HSD17B13: variants seen among roughly 807,000 people sequenced by gnomAD.
HSD17B13 encodes the protein 17-beta-hydroxysteroid dehydrogenase 13.
In HSD17B13, 26 loss-of-function variants were observed where a neutral mutation model predicts 31.1. The ratio of observed to expected loss-of-function variants is 0.84; its 90% confidence interval spans 0.61 to 1.16. The LOEUF (loss-of-function observed/expected upper bound fraction) is 1.16, where lower values mean the gene tolerates loss of function less well. Ranked by LOEUF, HSD17B13 falls within the 50% of genes most tolerant of loss-of-function variation. HSD17B13 has a pLI of 0.00. For missense variants in HSD17B13, 374 were observed against 366.5 expected (o/e 1.02, Z -0.17); for synonymous variants, 141 against 133.7 (o/e 1.05, Z -0.38).
chr4:87,307,561 G>A (rs1416391288), intron 6 of HSD17B13, among the ~76,000 whole-genome samples: 1 of 152,082 alleles, frequency 6.6e-6, no homozygotes. Context: ...TGCCCAGGCT[G>A]GAGTGCAGTG....
At chr4:87,314,233 T>G (rs1434884111) in intron 4 of HSD17B13, among the ~76,000 whole-genome samples, 1 of 151,996 alleles carries the variant, frequency 6.6e-6, no homozygotes, top group Non-Finnish European at 1.5e-5. Flanking sequence ...CCATCCTACA[T>G]GTAAGGTTTT....
rs757405570 is a variant in HSD17B13, at chr4:87,322,615, G to A, written c.210+17C>T. On this transcript the variant is annotated intron_variant, in intron 1 of 6. Transcript: ENST00000328546. ...CTTACTCTGTGACTTTAAAAAGTTG[G>A]AAGATGTATACATTACCTTATTAAT... 1.3e-6 allele frequency: 2 copies of A among 1,525,780 alleles called. No individual in the cohort carries two copies. Among genetic ancestry groups the A allele is most frequent in the Non-Finnish European group, 1.8e-6 (2 of 1,099,640 alleles). 94.5% of individuals were successfully genotyped at this position (1,525,780 alleles called of 1,614,324 possible).
chr4:87,310,463 T>C, intron 5 of HSD17B13, 104 bp from the exon 6 acceptor site: 1 of 1,197,618 alleles, frequency 8.3e-7, no homozygotes, highest in Non-Finnish European at 1.1e-6. Flanking sequence ...AAATTTAGAA[T>C]GAAGATTTAA....
intron 3 of HSD17B13, among the ~76,000 whole-genome samples, chr4:87,316,425 T>TG (rs1734650577): frequency 2.0e-5 from 3 of 152,048 alleles, no homozygotes; most frequent in Admixed American, 6.6e-5. Flanking sequence ...GACACATCTC[T>TG]TTTTTTTCTT....
At chr4:87,322,533 AAAAC>A in intron 1 of HSD17B13, 95 bp downstream of exon 1, 1 of 978,054 alleles carries the variant, frequency 1.0e-6, no homozygotes, top group Non-Finnish European at 1.5e-6. Context: ...CAAACTTTGA[AAAAC>A]AAAAATACAA....
rs180813765 is a variant in HSD17B13 at position 87,317,783 on chromosome 4, G to A, written c.318+546C>T. On this transcript the variant is annotated intron_variant, in intron 2 of 6. Transcript: ENST00000328546. Reference sequence around the variant, plus strand: ...CCTGGGTCTGGCTTAACCTCTCTGAGTCATAATTTGCTTATCTGTAAAATG... The same window carrying A: ...CCTGGGTCTGGCTTAACCTCTCTGAATCATAATTTGCTTATCTGTAAAATG... Among the ~76,000 whole-genome samples, 822 of 151,594 alleles carry A rather than the reference G, an allele frequency of 5.4e-3. 3 individuals carry two copies. The highest frequency in any genetic ancestry group is 0.01 in the Middle Eastern group (3 of 294).
intron 5 of HSD17B13, 142 bp from the exon 6 acceptor site, chr4:87,310,501 C>CGGTATACATATACCACAGTTTGTTTAA: frequency 1.1e-6 from 1 of 945,854 alleles, no homozygotes; most frequent in Non-Finnish European, 1.4e-6. Context: ...TGCATTAATG[C>CGGTATACATATACCACAGTTTGTTTAA]CACCCTACCC....
At chr4:87,314,641 T>TCTTTCACACACA (rs373166006) in intron 4 of HSD17B13, among the ~76,000 whole-genome samples, 165 of 142,252 alleles carry the variant, frequency 1.2e-3, no homozygotes, top group African/African-American at 4.0e-3. Flanking sequence ...TCTCTCTCTC[T>TCTTTCACACACA]CACACACACA....
At chr4:87,312,310 T>C (rs371636652) in intron 5 of HSD17B13, among the ~76,000 whole-genome samples, 1 of 152,150 alleles carries the variant, frequency 6.6e-6, no homozygotes, top group Non-Finnish European at 1.5e-5. Flanking sequence ...TACTCACTTC[T>C]GGTTGTCAGC....
At chr4:87,311,628 A>T (rs1316109175) in intron 5 of HSD17B13, among the ~76,000 whole-genome samples, 1 of 152,198 alleles carries the variant, frequency 6.6e-6, no homozygotes, top group African/African-American at 2.4e-5. Flanking sequence ...CTGTTAGTGC[A>T]AGATGATGAC....
intron 6 of HSD17B13, among the ~76,000 whole-genome samples, chr4:87,308,485 T>TTA (rs1734441282): frequency 3.0e-5 from 1 of 33,196 alleles, no homozygotes; most frequent in Non-Finnish European, 8.0e-5. Context: ...CCGTCTCTAC[T>TTA]AAAAAAAAAA....
chr4:87,309,186 C>T (rs1734467437), intron 6 of HSD17B13, among the ~76,000 whole-genome samples: 1 of 151,454 alleles, frequency 6.6e-6, no homozygotes, highest in South Asian at 2.1e-4. Flanking sequence ...AGTTCGAGAC[C>T]AGCCTGGCCA....
chr4:87,317,191 C>T lies in HSD17B13; in HGVS notation c.351G>A (p.Val117=). 6.2e-7 allele frequency: 1 copy of T among 1,614,022 alleles called. No homozygotes were observed. ...GATATACTGTCCCAGCATTATTCAC[C>T]ACGATTGTTACATCACCCACTTCTT... ...VKKEVGDVTI[V]VNNAGTVYPA... is the part of the protein sequence containing the mutation. Residue 117 remains valine (V), a synonymous_variant, in exon 3 of 7, where the codon GTG becomes GTA. Coordinates refer to ENST00000328546, the MANE Select transcript of HSD17B13 (RefSeq NM_178135.5).
At position 87,317,233 on chromosome 4, in the gene HSD17B13, T is replaced by C. The variant is rs564292392; in HGVS notation, c.319-10A>G. ...CCACTTCTTTCTTCACCTTTTGAAA[T>C]TGAAAGAACACTTTCACTGGGTGTA... On this transcript the variant is annotated splice_polypyrimidine_tract_variant and intron_variant, in intron 2 of 6. Coordinates refer to ENST00000328546, the MANE Select transcript of HSD17B13 (RefSeq NM_178135.5). 1.5e-5 allele frequency: 24 copies of C among 1,613,712 alleles called. No homozygotes were observed. The highest frequency in any genetic ancestry group is 1.8e-5 in the Non-Finnish European group (21 of 1,179,808).
At chr4:87,320,675 C>T (rs955463600) in intron 1 of HSD17B13, among the ~76,000 whole-genome samples, 1 of 152,224 alleles carries the variant, frequency 6.6e-6, no homozygotes, top group African/African-American at 2.4e-5. Flanking sequence ...GCGTGAGCCA[C>T]CGCGTCCGGC....
In HSD17B13 at chr4:87,305,035, C is replaced by A; in HGVS notation, c.*183G>T. 2 of 414,550 alleles carry A rather than the reference C, an allele frequency of 4.8e-6. No homozygotes were observed. The highest frequency in any genetic ancestry group is 8.5e-6 in the Non-Finnish European group (2 of 236,554). 25.7% of individuals were successfully genotyped at this position (414,550 alleles called of 1,614,324 possible). ...GGAAAAACAGACCTATGAAAAACTA[C>A]GTAAATATTCTTGAGAAACAGGAAG... On this transcript the variant is annotated 3_prime_UTR_variant, in exon 7 of 7. Transcript: ENST00000328546.
intron 4 of HSD17B13, among the ~76,000 whole-genome samples, chr4:87,314,659 A>G (rs1734611179): frequency 6.6e-6 from 1 of 151,796 alleles, no homozygotes; most frequent in Admixed American, 6.6e-5. Context: ...ACACACACAC[A>G]CACACACACA....
rs1015833210 is a variant in HSD17B13, at chr4:87,305,166, G to T, written c.*52C>A. On this transcript the variant is annotated 3_prime_UTR_variant, in exon 7 of 7. Transcript: ENST00000328546. The stretch of plus-strand genomic sequence containing the variant: ...AAATAAAGCTTTGCAGCATTGATTC[G>T]AAACTATTCATATCATTATCATGCA... The T allele has an allele frequency of 8.6e-7, 1 of 1,167,554 alleles. No individual in the cohort carries two copies. Among genetic ancestry groups the T allele is most frequent in the Non-Finnish European group, 1.2e-6 (1 of 816,008 alleles). The allele number at this position is 1,167,554 out of a possible 1,614,324, so 72.3% of individuals were successfully genotyped here. A position where few individuals can be genotyped will look rare whatever the true frequency, so the allele number is the denominator to read the frequency against.
Position 87,310,242 on chromosome 4 carries a change from C to T in HSD17B13, c.812+1G>A, listed in dbSNP as rs1734500236. The stretch of plus-strand genomic sequence containing the variant: ...ATTTGGGTGTTCTGTGCTGTACTTA[C>T]TTCTGTAGTCTCAGAAAGATATTGA... On this transcript the variant is annotated splice_donor_variant, in intron 6 of 6. Coordinates refer to ENST00000328546, the MANE Select transcript of HSD17B13 (RefSeq NM_178135.5). LOFTEE classifies it high-confidence loss of function. 1.3e-6 allele frequency: 2 copies of T among 1,499,920 alleles called. No individual in the cohort carries two copies. 92.9% of individuals were successfully genotyped at this position (1,499,920 alleles called of 1,614,324 possible). A position where few individuals can be genotyped will look rare whatever the true frequency, so the allele number is the denominator to read the frequency against.
Sources: gnomAD v4.1 joint callset for allele counts (sites outside exome capture counted in the v4.1 genomes callset) on GRCh38, gnomAD v4.1.1 for gene constraint, MANE v1.5 for transcripts, NCBI Gene and HGNC (gene_info 2026-07-23, HGNC 2026-07-21) for gene names.